Variants in PCDHGB2 observed in about 807,000 individuals in gnomAD.
PCDHGB2 encodes protocadherin gamma subfamily B, 2.
Under a neutral mutation model 59.3 loss-of-function variants are expected in PCDHGB2, and 55 were observed. The observed-to-expected ratio is 0.93, with a 90% CI of 0.75 to 1.16. PCDHGB2 has a LOEUF of 1.16. PCDHGB2 is among the 50% of genes most tolerant of loss of function. The pLI is 0.00. For missense variants in PCDHGB2, 1,228 were observed against 1,198.5 expected, an observed-to-expected ratio of 1.02 and a Z score of -0.36; for synonymous variants, 516 against 512.0, an observed-to-expected ratio of 1.01 and a Z score of -0.11.
At position 141,465,659 on chromosome 5, in the gene PCDHGB2, T is replaced by C. The variant is rs184749770; in HGVS notation, c.2422-29148T>C. Among the ~76,000 whole-genome samples the C allele has an allele frequency of 3.5e-4, 53 of 152,318 alleles. 1 individual carries two copies. Among genetic ancestry groups the C allele is most frequent in the African/African-American group, 1.2e-3 (50 of 41,576 alleles). ...TGCTTTGAACATCCCAAAAAAGCGC[T>C]TGCCATGACATTTGCTCTTGACCAG... On this transcript the variant is annotated intron_variant, in intron 1 of 3. Transcript: ENST00000522605.
intron 1 of PCDHGB2, chr5:141,404,006 C>A: frequency 6.2e-7 from 1 of 1,613,804 alleles, no homozygotes; most frequent in Non-Finnish European, 8.5e-7. Context: ...CATTACATCT[C>A]TGTTTAGCCC....
intron 1 of PCDHGB2, chr5:141,394,693 G>T (rs1310404999): frequency 1.2e-6 from 2 of 1,612,890 alleles, no homozygotes; most frequent in African/African-American, 1.3e-5. Context: ...GGCGAGGTGC[G>T]CACGGCGCGA....
rs1173306822 is a variant in PCDHGB2, at chr5:141,431,115, T to G, written c.2422-63692T>G. The G allele has an allele frequency of 6.2e-7, 1 of 1,613,608 alleles. No homozygotes were observed. Among genetic ancestry groups the G allele is most frequent in the East Asian group, 2.2e-5 (1 of 44,840 alleles). ...GAGGATAAAGTGAAAATATATGGAG[T>G]AGAAGTAGAAGTAAGGGACATTAAC... On this transcript the variant is annotated intron_variant, in intron 1 of 3. Transcript: ENST00000522605. This position sits in a 1 kb window ranked among gnomAD's most constrained non-coding sequence, Gnocchi z 4.8.
chr5:141,362,458 G>T lies in PCDHGB2; in HGVS notation c.2323G>T (p.Val775Phe), dbSNP rs1762514954. Residue 775 changes from valine (V) to phenylalanine (F), a missense_variant, in exon 1 of 4, where the codon GTT becomes TTT. Val to Phe is a conservative substitution (Grantham distance 50). Transcript: ENST00000522605. ...TTTTCTGAACATAACCCCGGAATTG[G>T]TTCCCGCGCAAGATCTCGTCTGTGA... is the stretch of plus-strand genomic sequence containing the variant. The part of the protein sequence containing the change: ...FNFLNITPEL[V>F]PAQDLVCDNA... 1.2e-6 allele frequency: 2 copies of T among 1,614,038 alleles called. No individual in the cohort carries two copies. Among genetic ancestry groups the T allele is most frequent in the Non-Finnish European group, 1.7e-6 (2 of 1,179,910 alleles).
At chr5:141,374,177 C>T in intron 1 of PCDHGB2, 4 of 1,613,578 alleles carry the variant, frequency 2.5e-6, no homozygotes, top group Non-Finnish European at 3.4e-6. Context: ...AGCGCAGATC[C>T]GCTACTCTAT....
chr5:141,361,470 C>T lies in PCDHGB2; in HGVS notation c.1335C>T (p.Val445=). ...SIIVTLHISD[V]NDNAPVFQQT... ...TTGTCACCCTGCACATCTCCGACGTCAACGATAATGCCCCAGTTTTCCAAC... is the reference window on the plus strand; with the variant it reads ...TTGTCACCCTGCACATCTCCGACGTTAACGATAATGCCCCAGTTTTCCAAC... The change falls in exon 1 of 4, where the codon GTC becomes GTT. Residue 445 remains valine, a synonymous_variant. Transcript: ENST00000522605. 6.2e-7 allele frequency: 1 copy of T among 1,614,060 alleles called. No homozygotes were observed. Among genetic ancestry groups the T allele is most frequent in the Admixed American group, 1.7e-5 (1 of 60,028 alleles).
intron 1 of PCDHGB2, chr5:141,418,297 C>T (rs760176371): frequency 2.5e-6 from 4 of 1,614,026 alleles, no homozygotes; most frequent in African/African-American, 2.7e-5. Flanking sequence ...GTGAATCCGT[C>T]AGCCTGGGGA....
At position 141,379,889 on chromosome 5, in the gene PCDHGB2, C is replaced by CTTTTTTTTTTTTTTTTTTTTT. The variant is rs70988800; in HGVS notation, c.2421+17343_2421+17363dup. The stretch of plus-strand genomic sequence containing the variant: ...CTTATTTTATGGTCTGTGAAAGCCT[C>CTTTTTTTTTTTTTTTTTTTTT]TTTTTTTTTTTTTTTTTTTTTTTTT... On this transcript the variant is annotated intron_variant, in intron 1 of 3. Coordinates refer to ENST00000522605, the MANE Select transcript of PCDHGB2 (RefSeq NM_018923.3). Among the ~76,000 whole-genome samples, 100 of 50,832 alleles carry CTTTTTTTTTTTTTTTTTTTTT rather than the reference C, an allele frequency of 2.0e-3. 11 individuals are homozygous for CTTTTTTTTTTTTTTTTTTTTT. The highest frequency in any genetic ancestry group is 2.9e-3 in the Non-Finnish European group (74 of 25,884). 33.3% of individuals were successfully genotyped at this position (50,832 alleles called of 152,430 possible).
intron 1 of PCDHGB2, among the ~76,000 whole-genome samples, chr5:141,482,238 A>G (rs560354311): frequency 8.5e-5 from 13 of 152,304 alleles, no homozygotes; most frequent in African/African-American, 2.9e-4. Context: ...TTGCCAATAT[A>G]AGTATAGTAC....
rs779871354 is a variant in PCDHGB2 at position 141,428,131 on chromosome 5, G to A, written c.2421+65575G>A. 8.7e-6 allele frequency: 14 copies of A among 1,602,720 alleles called. No homozygotes were observed. The South Asian group carries it at 1.5e-4, about 18-fold the overall frequency. On this transcript the variant is annotated intron_variant, in intron 1 of 3. Transcript: ENST00000522605. ...CAGGCCATCGAGCCCGGGCTTTTCA[G>A]CCTGGGGCTGCACACGGGAACCTGC...
chr5:141,456,888 G>A (rs376401806), intron 1 of PCDHGB2, among the ~76,000 whole-genome samples: 5 of 152,118 alleles, frequency 3.3e-5, no homozygotes, highest in Admixed American at 1.3e-4. Context: ...GCTTGAACCC[G>A]GGAGGCAGAG....
rs751908443 is a variant in PCDHGB2 at position 141,361,870 on chromosome 5, C to T, written c.1735C>T (p.Pro579Ser). 4.3e-6 allele frequency: 7 copies of T among 1,611,302 alleles called. No homozygotes were observed. The Admixed American group carries it at 5.0e-5, about 12-fold the overall frequency. The change falls in exon 1 of 4, where the codon CCA (proline) becomes TCA (serine). Residue 579 changes from proline to serine, a missense_variant. Around this residue, in one of 3 missense-constraint regions of PCDHGB2, gnomAD observed 14 missense variants for 35.2 expected, o/e 0.40. Transcript: ENST00000522605. The part of the protein sequence containing the change: ...PDGSALFDMV[P>S]RAAEPGYLVT... The stretch of plus-strand genomic sequence containing the variant: ...TGGCTCCGCCCTCTTCGATATGGTG[C>T]CACGCGCCGCAGAGCCCGGCTACCT...
At chr5:141,450,881 G>A (rs1205242412) in intron 1 of PCDHGB2, among the ~76,000 whole-genome samples, 1 of 149,726 alleles carries the variant, frequency 6.7e-6, no homozygotes, top group African/African-American at 2.5e-5. Flanking sequence ...CTGGTGTGCA[G>A]TGGTGCGATA....
chr5:141,498,967 GGGAGGGAAGGAAGGAA>G (rs1333462541), intron 2 of PCDHGB2, among the ~76,000 whole-genome samples: 8 of 129,672 alleles, frequency 6.2e-5, no homozygotes, highest in East Asian at 2.2e-4. Context: ...GAGGGAGGGA[GGGAGGGAAGGAAGGAA>G]GGAAGGAAGG....
chr5:141,429,073 C>CTCGATT (rs1202357717), intron 1 of PCDHGB2: 1 of 152,116 alleles, frequency 6.6e-6, no homozygotes, highest in African/African-American at 2.4e-5. Context: ...CCAGGATGGT[C>CTCGATT]TCGATTTCCT....
intron 1 of PCDHGB2, chr5:141,375,961 G>A: frequency 6.2e-7 from 1 of 1,613,370 alleles, no homozygotes; most frequent in Non-Finnish European, 8.5e-7. Flanking sequence ...CGGGCGAGGT[G>A]CGCACGGCGC....
chr5:141,468,853 G>A (rs893773356), intron 1 of PCDHGB2, among the ~76,000 whole-genome samples: 7 of 151,000 alleles, frequency 4.6e-5, no homozygotes, highest in Admixed American at 6.6e-5. Context: ...GCAACAGAGC[G>A]AGACTCCATC....
At position 141,485,831 on chromosome 5, in the gene PCDHGB2, C is replaced by A; in HGVS notation, c.2422-8976C>A. The A allele has an allele frequency of 6.2e-7, 1 of 1,614,080 alleles. No individual in the cohort carries two copies. Among genetic ancestry groups the A allele is most frequent in the Non-Finnish European group, 8.5e-7 (1 of 1,180,026 alleles). ...GCTGACTGCTGTCGATGGAGGGAAC[C>A]CGCCGAGATCTGGCACCGCAGAGCT... On this transcript the variant is annotated intron_variant, in intron 1 of 3. Coordinates refer to ENST00000522605, the MANE Select transcript of PCDHGB2 (RefSeq NM_018923.3). The surrounding 1 kb of genome is among the most constrained non-coding windows in gnomAD (Gnocchi z 5.7).
rs115568443 is a variant in PCDHGB2 at position 141,439,423 on chromosome 5, A to G, written c.2422-55384A>G. On this transcript the variant is annotated intron_variant, in intron 1 of 3. Coordinates refer to ENST00000522605, the MANE Select transcript of PCDHGB2 (RefSeq NM_018923.3). ...TGTGCTAACATCACTGAGGTTATAA[A>G]TTCCCAGGAATATTTTATTGCGGGA... 1.0e-2 allele frequency among the ~76,000 whole-genome samples: 1,522 copies of G among 152,306 alleles called. 34 individuals carry two copies. Among genetic ancestry groups the G allele is most frequent in the African/African-American group, 0.034 (1,425 of 41,558 alleles).
Sources: gnomAD v4.1 joint callset for allele counts (sites outside exome capture counted in the v4.1 genomes callset) on GRCh38, gnomAD v4.1.1 for gene constraint, gnomAD v4.1.1 regional missense constraint, Gnocchi (gnomAD v3.1) non-coding constraint, MANE v1.5 for transcripts, NCBI Gene and HGNC (gene_info 2026-07-23, HGNC 2026-07-21) for gene names.